NCOR2: variants seen among roughly 807,000 people sequenced by gnomAD.
The protein encoded by NCOR2 is CTG repeat protein 26.
Under a neutral mutation model 262.9 loss-of-function variants are expected in NCOR2, and 81 were observed. That is an observed-to-expected ratio of 0.31 (90% confidence interval 0.26 to 0.37). The LOEUF (loss-of-function observed/expected upper bound fraction) is 0.37, where lower values mean the gene tolerates loss of function less well. Among genes scored for constraint, NCOR2 ranks in the 10% least tolerant of loss-of-function variants. The pLI, the probability that NCOR2 is intolerant of heterozygous loss-of-function variation, is 1.00. For synonymous variants in NCOR2, 1,659 were observed against 1,559.3 expected (o/e 1.06, Z -1.51); for missense variants, 3,385 against 3,621.4 (o/e 0.93, Z 1.68).
intron 13 of NCOR2, among the ~76,000 whole-genome samples, chr12:124,418,647 G>A (rs892482346): frequency 2.6e-5 from 4 of 152,166 alleles, no homozygotes; most frequent in African/African-American, 4.8e-5. Flanking sequence ...GAGCTGCTCC[G>A]GGCCTGGGCT....
At chr12:124,550,206 G>A (rs561693713) in intron 1 of NCOR2, among the ~76,000 whole-genome samples, 16 of 152,274 alleles carry the variant, frequency 1.1e-4, no homozygotes, top group African/African-American at 3.4e-4. Flanking sequence ...GAACCCTGCC[G>A]TTCTTACCAA....
rs2048875595 is a variant in NCOR2, at chr12:124,503,631, G to A, written c.-117-8263C>T. On this transcript the variant is annotated intron_variant, in intron 1 of 46. Coordinates refer to the NCOR2 transcript ENST00000404621. This position sits in a 1 kb window ranked among gnomAD's most constrained non-coding sequence, Gnocchi z 4.3. ...GGACGGACGGATGGATGGATGGATG[G>A]ATGGGCGAATGGATGGATGGATGGA... 6.6e-6 allele frequency among the ~76,000 whole-genome samples: 1 copy of A among 150,518 alleles called. No homozygotes were observed. Among genetic ancestry groups the A allele is most frequent in the Non-Finnish European group, 1.5e-5 (1 of 67,490 alleles).
chr12:124,330,774 C>T (rs1456376893), intron 44 of NCOR2, 71 bp downstream of exon 46: 1 of 1,503,548 alleles, frequency 6.7e-7, no homozygotes. Context: ...CCCTTCATGA[C>T]AGCTGGAGCA....
chr12:124,489,711 G>A (rs1304855323), intron 1 of NCOR2, among the ~76,000 whole-genome samples: 2 of 152,316 alleles, frequency 1.3e-5, no homozygotes, highest in Admixed American at 6.5e-5. Flanking sequence ...TAAAACTCCT[G>A]GGAAAGGTGA....
At chr12:124,505,901 T>C (rs890312248) in intron 1 of NCOR2, among the ~76,000 whole-genome samples, 2 of 152,126 alleles carry the variant, frequency 1.3e-5, no homozygotes, top group Non-Finnish European at 2.9e-5. Flanking sequence ...CCCAGCCCAT[T>C]ATTCCTGTCT....
At chr12:124,351,892 C>T (rs1442564674) in intron 27 of NCOR2, among the ~76,000 whole-genome samples, 1 of 152,218 alleles carries the variant, frequency 6.6e-6, no homozygotes, top group African/African-American at 2.4e-5. Context: ...TATCCCAAGA[C>T]CTGGACCAGT....
At chr12:124,445,570 C>T (rs2045108944) in intron 7 of NCOR2, among the ~76,000 whole-genome samples, 1 of 152,180 alleles carries the variant, frequency 6.6e-6, no homozygotes, top group Admixed American at 6.5e-5. Flanking sequence ...GAACGACCTC[C>T]CACCTAGAAG....
intron 1 of NCOR2, among the ~76,000 whole-genome samples, chr12:124,565,008 G>C (rs955478774): frequency 4.0e-5 from 6 of 151,302 alleles, no homozygotes; most frequent in Admixed American, 4.0e-4. Context: ...AAATCTTTAG[G>C]AGGTGGCATG....
chr12:124,347,850 G>GTGC (rs1345830248), exon 30 of NCOR2: 24 of 1,567,850 alleles, frequency 1.5e-5, no homozygotes, highest in Non-Finnish European at 1.9e-5. Context: ...CGCGGATGTG[G>GTGC]TGCTGCTCTT....
chr12:124,478,747 C>G (rs765965149), intron 3 of NCOR2, among the ~76,000 whole-genome samples: 8 of 151,352 alleles, frequency 5.3e-5, no homozygotes, highest in South Asian at 4.2e-4. Context: ...ACAGACAGAT[C>G]GAGAAACAGA....
At chr12:124,333,994 GTGTGTGTGCGCA>G (rs1251765463) in intron 41 of NCOR2, among the ~76,000 whole-genome samples, 6 of 148,544 alleles carry the variant, frequency 4.0e-5, no homozygotes, top group Non-Finnish European at 9.1e-5. Flanking sequence ...GTGTGCATGT[GTGTGTGTGCGCA>G]TGTGTGTGGG....
intron 24 of NCOR2, 91 bp from the exon 27 acceptor site, chr12:124,355,030 T>G: frequency 5.4e-6 from 6 of 1,105,876 alleles, no homozygotes; most frequent in Non-Finnish European, 7.8e-6. Flanking sequence ...AAAGCCCACG[T>G]GTGGGTCAGA....
At chr12:124,363,730 C>A in exon 21 of NCOR2, 1 of 1,406,604 alleles carries the variant, frequency 7.1e-7, no homozygotes, top group Non-Finnish European at 9.3e-7. Flanking sequence ...GGTCCAGTGG[C>A]TTCTGGGGTG....
chr12:124,337,415 T>A (rs1024098918), intron 37 of NCOR2: 1 of 694,558 alleles, frequency 1.4e-6, no homozygotes, highest in Non-Finnish European at 2.6e-6. Flanking sequence ...AGCTACTAGG[T>A]GCCAGGCACT....
intron 1 of NCOR2, among the ~76,000 whole-genome samples, chr12:124,487,355 C>T (rs898824284): frequency 1.3e-5 from 2 of 152,244 alleles, no homozygotes; most frequent in Non-Finnish European, 2.9e-5. Context: ...AGAGGAACTC[C>T]CCGCTCGTAT....
At chr12:124,438,550 A>AC (rs113667942) in intron 7 of NCOR2, among the ~76,000 whole-genome samples, 1 of 150,546 alleles carries the variant, frequency 6.6e-6, no homozygotes, top group South Asian at 2.1e-4. Flanking sequence ...ACTTCAGGAA[A>AC]CCCCCGGGCG....
At chr12:124,356,582 CAG>C in intron 23 of NCOR2, 58 bp downstream of exon 25, 1 of 1,333,654 alleles carries the variant, frequency 7.5e-7, no homozygotes, top group South Asian at 2.2e-5. Context: ...CCAGTGCAAA[CAG>C]TGCAAACAGC....
At chr12:124,418,540 A>C (rs1593451119) in intron 13 of NCOR2, among the ~76,000 whole-genome samples, 1 of 152,172 alleles carries the variant, frequency 6.6e-6, no homozygotes. Context: ...ACCTTCTCCC[A>C]CCTGCAGCCT....
intron 1 of NCOR2, among the ~76,000 whole-genome samples, chr12:124,565,414 C>A (rs971606779): frequency 1.3e-5 from 2 of 152,122 alleles, no homozygotes; most frequent in African/African-American, 4.8e-5. Context: ...GCTGGCTCCA[C>A]CCCCCCTTCA....
Sources: gnomAD v4.1 joint callset for allele counts (sites outside exome capture counted in the v4.1 genomes callset) on GRCh38, gnomAD v4.1.1 for gene constraint, Gnocchi (gnomAD v3.1) non-coding constraint, MANE v1.5 for transcripts, NCBI Gene and HGNC (gene_info 2026-07-23, HGNC 2026-07-21) for gene names.